The following CFAP299 variants were observed in gnomAD, a reference collection of about 807,000 sequenced individuals.
The protein encoded by CFAP299 is cilia- and flagella-associated protein 299.
CFAP299 carries 21 observed loss-of-function variants against 27.0 expected under a neutral mutation model. That is an observed-to-expected ratio of 0.78 (90% confidence interval 0.55 to 1.12). The LOEUF (loss-of-function observed/expected upper bound fraction) is 1.12, where lower values mean the gene tolerates loss of function less well. Ranked by LOEUF, CFAP299 falls within the 50% of genes most tolerant of loss-of-function variation. The pLI, the probability that CFAP299 is intolerant of heterozygous loss-of-function variation, is 0.00. For synonymous variants in CFAP299, 104 were observed against 98.1 expected (o/e 1.06, Z -0.36); for missense variants, 310 against 276.6 (o/e 1.12, Z -0.86).
chr4:80,471,571 C>T (rs1452616679), intron 2 of CFAP299, among the ~76,000 whole-genome samples: 8 of 33,062 alleles, frequency 2.4e-4, no homozygotes, highest in Middle Eastern at 0.02. Flanking sequence ...CTCAGCAGGG[C>T]GGGGGTGGGG....
At chr4:80,848,515 T>C (rs982585287) in intron 3 of CFAP299, among the ~76,000 whole-genome samples, 1 of 152,068 alleles carries the variant, frequency 6.6e-6, no homozygotes, top group African/African-American at 2.4e-5. Context: ...ACAATAAAAA[T>C]ATAGTATATT....
At chr4:80,890,510 G>C (rs60575091) in intron 4 of CFAP299, among the ~76,000 whole-genome samples, 1 of 151,742 alleles carries the variant, frequency 6.6e-6, no homozygotes, top group Non-Finnish European at 1.5e-5. Flanking sequence ...GAATAGTGCC[G>C]CAATAAACAT....
At chr4:80,959,299 A>G (rs1449352628) in intron 5 of CFAP299, among the ~76,000 whole-genome samples, 1 of 152,154 alleles carries the variant, frequency 6.6e-6, no homozygotes, top group African/African-American at 2.4e-5. Context: ...CCAAGTAAAG[A>G]AATTTAGTAA....
chr4:80,932,774 G>A (rs1736685904), intron 4 of CFAP299, among the ~76,000 whole-genome samples: 1 of 152,130 alleles, frequency 6.6e-6, no homozygotes, highest in African/African-American at 2.4e-5. Context: ...ATTTGTAGGT[G>A]TGGAGACCAC....
intron 2 of CFAP299, among the ~76,000 whole-genome samples, chr4:80,538,385 T>A (rs1733843465): frequency 6.6e-6 from 1 of 152,072 alleles, no homozygotes; most frequent in Admixed American, 6.6e-5. Context: ...AATAAAAATT[T>A]AAAAATAAAT....
At chr4:80,817,214 A>G (rs1729465248) in intron 3 of CFAP299, among the ~76,000 whole-genome samples, 1 of 152,204 alleles carries the variant, frequency 6.6e-6, no homozygotes, top group African/African-American at 2.4e-5. Context: ...AGGCCCCTAG[A>G]GGATTAGTTG....
chr4:80,827,756 A>C (rs1032341542), intron 3 of CFAP299, among the ~76,000 whole-genome samples: 5 of 151,964 alleles, frequency 3.3e-5, no homozygotes, highest in Admixed American at 6.6e-5. Flanking sequence ...AGGAGGAATA[A>C]AATTATCTCT....
chr4:80,869,376 A>C (rs1314592399), intron 3 of CFAP299, among the ~76,000 whole-genome samples: 2 of 152,198 alleles, frequency 1.3e-5, no homozygotes. Context: ...CCTTTTCAGC[A>C]CAGTATTCTC....
intron 3 of CFAP299, among the ~76,000 whole-genome samples, chr4:80,650,858 G>A (rs941331142): frequency 1.3e-5 from 2 of 151,952 alleles, no homozygotes; most frequent in African/African-American, 4.8e-5. Flanking sequence ...TTGGGACTCA[G>A]GGGAAAGGAT....
intron 2 of CFAP299, among the ~76,000 whole-genome samples, chr4:80,529,978 T>C (rs1447482675): frequency 6.6e-6 from 1 of 152,184 alleles, no homozygotes; most frequent in Non-Finnish European, 1.5e-5. Flanking sequence ...TATTTAAAGA[T>C]AGTATGAGAA....
At chr4:80,460,855 T>A (rs561108247) in intron 2 of CFAP299, among the ~76,000 whole-genome samples, 1 of 152,322 alleles carries the variant, frequency 6.6e-6, no homozygotes, top group South Asian at 2.1e-4. Flanking sequence ...AGAGACTTAT[T>A]CTGAGCCAAA....
At chr4:80,731,100 G>GTA (rs1723495501) in intron 3 of CFAP299, among the ~76,000 whole-genome samples, 1 of 152,138 alleles carries the variant, frequency 6.6e-6, no homozygotes, top group Non-Finnish European at 1.5e-5. Context: ...TTTTACCTGA[G>GTA]TATATTTTTA....
chr4:80,772,301 C>G (rs906683610), intron 3 of CFAP299, among the ~76,000 whole-genome samples: 7 of 152,014 alleles, frequency 4.6e-5, no homozygotes, highest in African/African-American at 1.7e-4. Context: ...AGTTGCCAGA[C>G]AATAGTGTGG....
intron 4 of CFAP299, among the ~76,000 whole-genome samples, chr4:80,932,491 A>G (rs956959836): frequency 1.3e-5 from 2 of 152,182 alleles, no homozygotes; most frequent in Non-Finnish European, 2.9e-5. Context: ...TACAGAATGT[A>G]TTATTACTTG....
chr4:80,921,519 G>C (rs540327074), intron 4 of CFAP299, among the ~76,000 whole-genome samples: 2 of 152,116 alleles, frequency 1.3e-5, no homozygotes, highest in South Asian at 4.1e-4. Context: ...AAAACAGCAG[G>C]TATATGAAAG....
At chr4:80,546,434 C>G (rs759974836) in intron 2 of CFAP299, among the ~76,000 whole-genome samples, 1 of 152,110 alleles carries the variant, frequency 6.6e-6, no homozygotes, top group Non-Finnish European at 1.5e-5. Context: ...GGTGAAAACT[C>G]TCTACAAGCA....
At chr4:80,470,423 A>C (rs1729936643) in intron 2 of CFAP299, among the ~76,000 whole-genome samples, 2 of 151,952 alleles carry the variant, frequency 1.3e-5, no homozygotes, top group African/African-American at 4.8e-5. Context: ...ATATTTTAAT[A>C]AATCAAATTC....
chr4:80,663,239 C>G (rs1227468805), intron 3 of CFAP299, among the ~76,000 whole-genome samples: 4 of 152,120 alleles, frequency 2.6e-5, no homozygotes, highest in African/African-American at 9.6e-5. Context: ...CACCCATCAA[C>G]CCATCATCTA....
chr4:80,519,574 T>C (rs1285347239), intron 2 of CFAP299, among the ~76,000 whole-genome samples: 1 of 152,184 alleles, frequency 6.6e-6, no homozygotes. Flanking sequence ...TTAATGTGTT[T>C]GAATTAAAAC....
Sources: gnomAD v4.1 joint callset for allele counts (sites outside exome capture counted in the v4.1 genomes callset) on GRCh38, gnomAD v4.1.1 for gene constraint, MANE v1.5 for transcripts, NCBI Gene and HGNC (gene_info 2026-07-23, HGNC 2026-07-21) for gene names.